The following SGIP1 variants were observed in gnomAD, a reference collection of about 807,000 sequenced individuals.
The protein encoded by SGIP1 is SH3-containing GRB2-like protein 3-interacting protein 1.
A neutral mutation model predicts 107.5 loss-of-function variants in SGIP1; 38 were observed. The observed-to-expected ratio is 0.35, with a 90% CI of 0.27 to 0.46. The LOEUF (loss-of-function observed/expected upper bound fraction) is 0.46. Among genes scored for constraint, SGIP1 ranks in the 20% least tolerant of loss-of-function variants. The pLI, the probability that SGIP1 is intolerant of heterozygous loss-of-function variation, is 1.00. For missense variants in SGIP1, 929 were observed against 1,019.5 expected (o/e 0.91, Z 1.21); for synonymous variants, 365 against 366.1 (o/e 1.00, Z 0.03).
intron 1 of SGIP1, among the ~76,000 whole-genome samples, chr1:66,592,513 A>G (rs112072601): frequency 0.078 from 11,858 of 152,248 alleles, 791 homozygotes; most frequent in East Asian, 0.31. Context: ...TTCTTTCTAC[A>G]TAGACACAGT....
chr1:66,742,515 G>GCCGGA (rs2094486360), intron 24 of SGIP1, among the ~76,000 whole-genome samples: 1 of 92,658 alleles, frequency 1.1e-5, no homozygotes, highest in Non-Finnish European at 2.1e-5. Context: ...TGTCGCCCAG[G>GCCGGA]CTGGAGTGCA....
At chr1:66,655,257 A>T (rs1474514396) in intron 7 of SGIP1, among the ~76,000 whole-genome samples, 2 of 151,274 alleles carry the variant, frequency 1.3e-5, no homozygotes, top group African/African-American at 2.4e-5. Context: ...CTCTCCTTCC[A>T]CTACTCCCTG....
chr1:66,738,047 G>A (rs1272182648), intron 21 of SGIP1, among the ~76,000 whole-genome samples: 1 of 152,120 alleles, frequency 6.6e-6, no homozygotes, highest in African/African-American at 2.4e-5. Context: ...AAGGGGTGGG[G>A]GAGGGGGATT....
chr1:66,557,156 A>G (rs2058303613), intron 1 of SGIP1, among the ~76,000 whole-genome samples: 1 of 152,114 alleles, frequency 6.6e-6, no homozygotes, highest in South Asian at 2.1e-4. Flanking sequence ...ACATCTCAAC[A>G]GGTCTGTTAT....
At chr1:66,573,481 C>T (rs1218528052) in intron 1 of SGIP1, among the ~76,000 whole-genome samples, 1 of 152,090 alleles carries the variant, frequency 6.6e-6, no homozygotes, top group Non-Finnish European at 1.5e-5. Flanking sequence ...CAGCACTATT[C>T]ACAATAGCAA....
At chr1:66,685,927 A>T (rs184557083) in intron 15 of SGIP1, among the ~76,000 whole-genome samples, 29 of 152,348 alleles carry the variant, frequency 1.9e-4, no homozygotes, top group Non-Finnish European at 1.0e-4. Context: ...CATAGCATAC[A>T]ATCATTTACA....
chr1:66,593,101 C>T (rs933863802), intron 1 of SGIP1, among the ~76,000 whole-genome samples: 1 of 151,740 alleles, frequency 6.6e-6, no homozygotes, highest in African/African-American at 2.4e-5. Context: ...AAGCTTATTC[C>T]ATGTCTTTTC....
At chr1:66,668,750 C>T (rs1409735240) in intron 9 of SGIP1, among the ~76,000 whole-genome samples, 1 of 152,186 alleles carries the variant, frequency 6.6e-6, no homozygotes, top group African/African-American at 2.4e-5. Context: ...TGCTAATCTA[C>T]GGATGATTCC....
At chr1:66,562,177 A>C (rs913557133) in intron 1 of SGIP1, among the ~76,000 whole-genome samples, 4 of 152,014 alleles carry the variant, frequency 2.6e-5, no homozygotes, top group African/African-American at 9.7e-5. Flanking sequence ...AGAGTGCCAG[A>C]GTATATGACA....
intron 5 of SGIP1, among the ~76,000 whole-genome samples, chr1:66,641,069 G>A (rs2076699851): frequency 1.3e-5 from 2 of 151,972 alleles, no homozygotes; most frequent in Non-Finnish European, 2.9e-5. Context: ...AGAAACAGTA[G>A]AAAAGTAGTC....
intron 24 of SGIP1, among the ~76,000 whole-genome samples, chr1:66,742,645 A>G (rs529497124): frequency 1.4e-5 from 2 of 147,804 alleles, no homozygotes; most frequent in Non-Finnish European, 3.0e-5. Context: ...AATTTTTTGT[A>G]TTTTTAGTAG....
At chr1:66,740,462 G>C (rs2094413076) in intron 22 of SGIP1, among the ~76,000 whole-genome samples, 196 bp from the exon 23 acceptor site, 1 of 152,104 alleles carries the variant, frequency 6.6e-6, no homozygotes, top group South Asian at 2.1e-4. Context: ...GTTCTAGCTA[G>C]TTACAATAAG....
chr1:66,548,974 A>T (rs1017812271), intron 1 of SGIP1, among the ~76,000 whole-genome samples: 2 of 152,170 alleles, frequency 1.3e-5, no homozygotes, highest in African/African-American at 4.8e-5. Flanking sequence ...TTCCTTTGGG[A>T]CAGGAACAGG....
At chr1:66,545,628 TTGTGTG>T (rs769603266) in intron 1 of SGIP1, among the ~76,000 whole-genome samples, 32 of 139,044 alleles carry the variant, frequency 2.3e-4, no homozygotes, top group South Asian at 7.6e-4. Context: ...ACTGAACAAA[TTGTGTG>T]TGTGTGTGTG....
chr1:66,556,392 G>A (rs1161808160), intron 1 of SGIP1, among the ~76,000 whole-genome samples: 2 of 152,108 alleles, frequency 1.3e-5, no homozygotes, highest in East Asian at 3.9e-4. Flanking sequence ...TCTCTGGCAA[G>A]CTGTCCTAGG....
chr1:66,694,368 C>A, intron 17 of SGIP1: 1 of 1,341,262 alleles, frequency 7.5e-7, no homozygotes, highest in Non-Finnish European at 1.0e-6. Flanking sequence ...GTAAAGTGGG[C>A]TTCTTGATTT....
At chr1:66,701,947 A>G (rs765129196) in intron 18 of SGIP1, among the ~76,000 whole-genome samples, 1 of 152,218 alleles carries the variant, frequency 6.6e-6, no homozygotes, top group Admixed American at 6.5e-5. Flanking sequence ...GTTACCTTCT[A>G]TTCCAAGCAT....
intron 1 of SGIP1, among the ~76,000 whole-genome samples, chr1:66,600,040 T>C (rs1487491570): frequency 6.6e-6 from 1 of 152,164 alleles, no homozygotes. Context: ...GTTTGACACA[T>C]TGGTCTCCAC....
Position 66,743,296 on chromosome 1 carries a change from T to C in SGIP1, c.*201T>C. ...CTACAGTATTTACTTCTAGGTGTAATATTGTTAATGGTTTTAAAATGTAAT... is the reference window on the plus strand; with the variant it reads ...CTACAGTATTTACTTCTAGGTGTAACATTGTTAATGGTTTTAAAATGTAAT... On this transcript the variant is annotated 3_prime_UTR_variant, in exon 25 of 25. Transcript: ENST00000371037. 3 of 472,906 alleles carry C rather than the reference T, an allele frequency of 6.3e-6. No individual in the cohort carries two copies. Among genetic ancestry groups the C allele is most frequent in the East Asian group, 7.0e-5 (2 of 28,410 alleles). 29.3% of individuals were successfully genotyped at this position (472,906 alleles called of 1,614,324 possible).
Sources: gnomAD v4.1 joint callset for allele counts (sites outside exome capture counted in the v4.1 genomes callset) on GRCh38, gnomAD v4.1.1 for gene constraint, MANE v1.5 for transcripts, NCBI Gene and HGNC (gene_info 2026-07-23, HGNC 2026-07-21) for gene names.